The following CELF2 variants were observed in gnomAD, a reference collection of about 807,000 sequenced individuals.
CELF2 encodes the protein CUG triplet repeat RNA-binding protein 2.
A neutral mutation model predicts 62.6 loss-of-function variants in CELF2; 8 were observed. The observed-to-expected ratio is 0.13, with a 90% CI of 0.07 to 0.23. The LOEUF (loss-of-function observed/expected upper bound fraction) is 0.23. Among genes scored for constraint, CELF2 ranks in the 10% least tolerant of loss-of-function variants. The probability of loss-of-function intolerance (pLI) is 1.00; values close to 1 mark genes in which losing one functional copy is unlikely to be tolerated. For missense variants in CELF2, 333 were observed against 671.0 expected (o/e 0.50, Z 5.56); for synonymous variants, 258 against 250.0 (o/e 1.03, Z -0.30).
At chr10:10,706,960 G>A in the CELF2 span, among the ~76,000 whole-genome samples, 2 of 152,190 alleles carry the variant, frequency 1.3e-5, no homozygotes, top group East Asian at 1.9e-4. Flanking sequence ...GGCCTTTAAT[G>A]TTACAAGCAT....
intron 1 of CELF2, among the ~76,000 whole-genome samples, chr10:11,115,516 T>C (rs1406666860): frequency 2.0e-5 from 3 of 152,224 alleles, no homozygotes; most frequent in Admixed American, 6.5e-5. Context: ...GGCTGTCAGA[T>C]ATGAAGTAAA....
intron 5 of CELF2, among the ~76,000 whole-genome samples, chr10:11,264,447 T>C (rs1212673025): frequency 6.6e-6 from 1 of 152,246 alleles, no homozygotes; most frequent in East Asian, 1.9e-4. Context: ...AATACAGCAA[T>C]CTTCTTGACT....
At chr10:10,955,406 A>G (rs2135839656) in intron 2 of CELF2, among the ~76,000 whole-genome samples, 1 of 152,350 alleles carries the variant, frequency 6.6e-6, no homozygotes, top group African/African-American at 2.4e-5. Flanking sequence ...AGCCCAACCC[A>G]GATCTATTGA....
At chr10:10,656,925 A>C in the CELF2 span, among the ~76,000 whole-genome samples, 1 of 151,892 alleles carries the variant, frequency 6.6e-6, no homozygotes, top group South Asian at 2.1e-4. Flanking sequence ...CAATAAAAAA[A>C]AAAAAAAAAG....
intron 5 of CELF2, among the ~76,000 whole-genome samples, chr10:11,259,011 C>T (rs1362778381): frequency 3.9e-5 from 6 of 152,224 alleles, no homozygotes; most frequent in Non-Finnish European, 8.8e-5. Flanking sequence ...ACAGGAAATC[C>T]ATATTCTTAG....
At chr10:11,108,707 C>A (rs944047625) in intron 1 of CELF2, among the ~76,000 whole-genome samples, 1 of 152,324 alleles carries the variant, frequency 6.6e-6, no homozygotes, top group Non-Finnish European at 1.5e-5. Context: ...TGTTTCCCCA[C>A]GTCTCCACTT....
chr10:11,140,347 C>A (rs374270262), intron 1 of CELF2, among the ~76,000 whole-genome samples: 7 of 152,080 alleles, frequency 4.6e-5, no homozygotes, highest in African/African-American at 1.2e-4. Context: ...CTCCGGTGAT[C>A]CTTCCATCTC....
chr10:10,636,063 A>G, the CELF2 span, among the ~76,000 whole-genome samples: 52 of 152,326 alleles, frequency 3.4e-4, no homozygotes, highest in Admixed American at 7.2e-4. Flanking sequence ...GAAATATATC[A>G]AATAACTTAA....
chr10:11,042,633 T>C (rs1261919216), intron 1 of CELF2, among the ~76,000 whole-genome samples: 1 of 152,184 alleles, frequency 6.6e-6, no homozygotes, highest in African/African-American at 2.4e-5. Context: ...CACTATCTTT[T>C]CCAGGACAAT....
intron 1 of CELF2, among the ~76,000 whole-genome samples, chr10:11,116,116 A>T (rs964970972): frequency 3.3e-5 from 5 of 152,316 alleles, no homozygotes; most frequent in African/African-American, 1.2e-4. Context: ...AATCCTTTTA[A>T]TTTAATACTC....
At chr10:11,205,015 C>G (rs1476352819) in intron 2 of CELF2, among the ~76,000 whole-genome samples, 1 of 152,064 alleles carries the variant, frequency 6.6e-6, no homozygotes, top group African/African-American at 2.4e-5. Flanking sequence ...ATAGAGCATA[C>G]AGTTGGGGAA....
the CELF2 span, among the ~76,000 whole-genome samples, chr10:10,758,052 G>C: frequency 6.6e-6 from 1 of 152,154 alleles, no homozygotes; most frequent in Non-Finnish European, 1.5e-5. Flanking sequence ...AGACCTATCA[G>C]CAATCTGCAG....
At chr10:11,129,128 G>A (rs1466160152) in intron 1 of CELF2, among the ~76,000 whole-genome samples, 1 of 152,138 alleles carries the variant, frequency 6.6e-6, no homozygotes, top group East Asian at 1.9e-4. Context: ...TGCATCTATT[G>A]AGATAATCAT....
At chr10:11,250,951 C>T (rs1245994510) in intron 4 of CELF2, among the ~76,000 whole-genome samples, 1 of 152,186 alleles carries the variant, frequency 6.6e-6, no homozygotes, top group Non-Finnish European at 1.5e-5. Context: ...CCTTTCAGCC[C>T]TTGTGCTCCA....
chr10:10,708,933 G>GA, the CELF2 span, among the ~76,000 whole-genome samples: 1 of 152,092 alleles, frequency 6.6e-6, no homozygotes, highest in Non-Finnish European at 1.5e-5. Context: ...TTTATATCTA[G>GA]AAAAATGAAT....
intron 1 of CELF2, among the ~76,000 whole-genome samples, chr10:11,126,213 C>T (rs2058672467): frequency 6.6e-6 from 1 of 152,178 alleles, no homozygotes; most frequent in African/African-American, 2.4e-5. Flanking sequence ...CTGCCTTTCA[C>T]AGCATTTTCA....
In CELF2 at chr10:11,165,581, C is replaced by T. The variant is rs768043854; in HGVS notation, c.170C>T (p.Ser57Leu). ...ATGTTTGTCGGACAGATCCCCCGGT[C>T]ATGGTCGGAAAAGGAGCTGAAAGAA... is the stretch of plus-strand genomic sequence containing the variant. ...IKMFVGQIPR[S>L]WSEKELKELF... Residue 57 changes from serine (S) to leucine (L), a missense_variant, in exon 2 of 13, where the codon TCA becomes TTA. Coordinates refer to ENST00000633077, the MANE Select transcript of CELF2 (RefSeq NM_001326342.2). This position sits in a 1 kb window ranked among gnomAD's most constrained non-coding sequence, Gnocchi z 7.4. 6.2e-7 allele frequency: 1 copy of T among 1,614,218 alleles called. No homozygotes were observed. The highest frequency in any genetic ancestry group is 2.2e-5 in the East Asian group (1 of 44,892).
At chr10:11,167,108 T>C (rs1288448569) in intron 2 of CELF2, among the ~76,000 whole-genome samples, 1 of 152,262 alleles carries the variant, frequency 6.6e-6, no homozygotes, top group Non-Finnish European at 1.5e-5. Flanking sequence ...TAACTGAGAA[T>C]CTGTAGATTT....
chr10:11,262,298 G>C (rs2080889103), intron 5 of CELF2, among the ~76,000 whole-genome samples: 1 of 152,100 alleles, frequency 6.6e-6, no homozygotes, highest in South Asian at 2.1e-4. Flanking sequence ...ACAGTGCTTG[G>C]GAGGCTGATG....
Sources: allele counts gnomAD v4.1 joint callset (sites outside exome capture counted in the v4.1 genomes callset), GRCh38; gene constraint gnomAD v4.1.1; non-coding constraint Gnocchi (gnomAD v3.1); transcripts MANE v1.5; gene names NCBI Gene and HGNC (gene_info 2026-07-23, HGNC 2026-07-21).